The following POP5 variants were observed in gnomAD, a reference collection of about 807,000 sequenced individuals.
POP5 encodes ribonuclease P/MRP protein subunit POP5.
A neutral mutation model predicts 20.7 loss-of-function variants in POP5; 18 were observed. The ratio of observed to expected loss-of-function variants is 0.87; its 90% confidence interval spans 0.60 to 1.29. POP5 has a LOEUF of 1.29. POP5 is among the 50% of genes most tolerant of loss of function. POP5 has a pLI of 0.00. For missense variants in POP5, 200 were observed against 203.2 expected (o/e 0.98, Z 0.10); for synonymous variants, 91 against 78.0 (o/e 1.17, Z -0.88).
chr12:120,579,133 A>AG lies in POP5; in HGVS notation c.*184dup. The AG allele has an allele frequency of 1.6e-6, 1 of 615,474 alleles. No homozygotes were observed. Among genetic ancestry groups the AG allele is most frequent in the Middle Eastern group, 4.4e-4 (1 of 2,288 alleles). 38.1% of individuals were successfully genotyped at this position (615,474 alleles called of 1,614,324 possible). A position where few individuals can be genotyped will look rare whatever the true frequency, so the allele number is the denominator to read the frequency against. On this transcript the variant is annotated 3_prime_UTR_variant, in exon 5 of 5. Transcript: ENST00000357500. ...AGTTCACAACCTGCAACACTTCACC[A>AG]GGGAATGCTAGGTAAAGGCAACTTC...
In POP5 at chr12:120,579,328, G is replaced by A. The variant is rs1877721664; in HGVS notation, c.482C>T (p.Ala161Val). Residue 161 changes from alanine to valine, a missense_variant, in exon 5 of 5, where the codon GCA becomes GTA. By Grantham distance (64) the Ala-to-Val change is moderately conservative. Coordinates refer to ENST00000357500, the MANE Select transcript of POP5 (RefSeq NM_015918.4). ...GTGGGGAGCAGAGGTTCACTCCATT[G>A]CTTCTGCAGCCTCCTCACCTGACTC... is the stretch of plus-strand genomic sequence containing the variant. ...EEESGEEAAE[A>V]ME 2 of 1,613,926 alleles carry A rather than the reference G, an allele frequency of 1.2e-6. No individual in the cohort carries two copies. Among genetic ancestry groups the A allele is most frequent in the Non-Finnish European group, 1.7e-6 (2 of 1,179,798 alleles).
rs914597398 is a variant in POP5 at position 120,579,226 on chromosome 12, C to T, written c.*92G>A. ...GTTGGCAGCTATCCAGTTTGGAAAA[C>T]TGTGGAAGATGCTGTTGCTACCCAG... is the stretch of plus-strand genomic sequence containing the variant. On this transcript the variant is annotated 3_prime_UTR_variant, in exon 5 of 5. Coordinates refer to ENST00000357500, the MANE Select transcript of POP5 (RefSeq NM_015918.4). 2 of 1,153,852 alleles carry T rather than the reference C, an allele frequency of 1.7e-6. No homozygotes were observed. Among genetic ancestry groups the T allele is most frequent in the Non-Finnish European group, 2.6e-6 (2 of 766,156 alleles). 71.5% of individuals were successfully genotyped at this position (1,153,852 alleles called of 1,614,324 possible). A position where few individuals can be genotyped will look rare whatever the true frequency, so the allele number is the denominator to read the frequency against.
In POP5 at chr12:120,578,773, G is replaced by T. The variant is rs1408552505; in HGVS notation, c.*545C>A. On this transcript the variant is annotated 3_prime_UTR_variant, in exon 5 of 5. Coordinates refer to ENST00000357500, the MANE Select transcript of POP5 (RefSeq NM_015918.4). ...GTCTCTACTAAAAATACAAAAATTA[G>T]CCAGACGTGGTGGTGCACGTCTGTA... 6.5e-6 allele frequency: 1 copy of T among 154,656 alleles called. No individual in the cohort carries two copies. The highest frequency in any genetic ancestry group is 1.4e-5 in the Non-Finnish European group (1 of 69,676). 9.6% of individuals were successfully genotyped at this position (154,656 alleles called of 1,614,324 possible). A position where few individuals can be genotyped will look rare whatever the true frequency, so the allele number is the denominator to read the frequency against.
intron 3 of POP5, 74 bp downstream of exon 3, chr12:120,579,700 C>T: frequency 6.4e-7 from 1 of 1,551,000 alleles, no homozygotes; most frequent in Non-Finnish European, 8.9e-7. Context: ...GCAGCAAGAC[C>T]CACCCACCAG....
chr12:120,581,303 C>T, intron 1 of POP5, 40 bp downstream of exon 1: 1 of 1,614,186 alleles, frequency 6.2e-7, no homozygotes, highest in South Asian at 1.1e-5. Flanking sequence ...GCCGCGAGGA[C>T]CCAGCAAGGC....
Position 120,579,930 on chromosome 12 carries a change from C to G in POP5, c.164-7G>C. ...TAGGCATTGAGATATCGAACTACAA[C>G]AGGAAAGAAAAATCATTTTGGAAAA... On this transcript the variant is annotated splice_region_variant and splice_polypyrimidine_tract_variant and intron_variant, in intron 2 of 4. Transcript: ENST00000357500. 2 of 1,612,212 alleles carry G rather than the reference C, an allele frequency of 1.2e-6. No individual in the cohort carries two copies. Among genetic ancestry groups the G allele is most frequent in the Non-Finnish European group, 1.7e-6 (2 of 1,179,208 alleles).
rs377057804 is a variant in POP5 at position 120,581,394 on chromosome 12, A to G, written c.-32T>C. The G allele has an allele frequency of 3.1e-6, 5 of 1,603,648 alleles. No homozygotes were observed. The highest frequency in any genetic ancestry group is 1.1e-5 in the South Asian group (1 of 89,762). ...CTCCGCGCTCTCCGGTCCGGCGTGC[A>G]AACCGGATGTGAATTCTGTCCGCTG... is the stretch of plus-strand genomic sequence containing the variant. On this transcript the variant is annotated 5_prime_UTR_variant, in exon 1 of 5. Transcript: ENST00000357500.
In POP5 at chr12:120,579,234, G is replaced by A. The variant is rs946056746; in HGVS notation, c.*84C>T. Reference sequence around the variant, plus strand: ...CTATCCAGTTTGGAAAACTGTGGAAGATGCTGTTGCTACCCAGATTGTTCT... The same window carrying A: ...CTATCCAGTTTGGAAAACTGTGGAAAATGCTGTTGCTACCCAGATTGTTCT... On this transcript the variant is annotated 3_prime_UTR_variant, in exon 5 of 5. Coordinates refer to ENST00000357500, the MANE Select transcript of POP5 (RefSeq NM_015918.4). 7 of 1,215,696 alleles carry A rather than the reference G, an allele frequency of 5.8e-6. No individual in the cohort carries two copies. In the African/African-American group the frequency reaches 1.0e-4, roughly 18 times the overall value. 75.3% of individuals were successfully genotyped at this position (1,215,696 alleles called of 1,614,324 possible). A position where few individuals can be genotyped will look rare whatever the true frequency, so the allele number is the denominator to read the frequency against.
chr12:120,579,237 G>A lies in POP5; in HGVS notation c.*81C>T, dbSNP rs1877708122. 3 of 1,240,720 alleles carry A rather than the reference G, an allele frequency of 2.4e-6. No individual in the cohort carries two copies. Among genetic ancestry groups the A allele is most frequent in the South Asian group, 1.2e-5 (1 of 82,832 alleles). 76.9% of individuals were successfully genotyped at this position (1,240,720 alleles called of 1,614,324 possible). On this transcript the variant is annotated 3_prime_UTR_variant, in exon 5 of 5. Transcript: ENST00000357500. The stretch of plus-strand genomic sequence containing the variant: ...TCCAGTTTGGAAAACTGTGGAAGAT[G>A]CTGTTGCTACCCAGATTGTTCTGTT...
rs1054371670 is a variant in POP5, at chr12:120,579,216, G to A, written c.*102C>T. On this transcript the variant is annotated 3_prime_UTR_variant, in exon 5 of 5. Coordinates refer to ENST00000357500, the MANE Select transcript of POP5 (RefSeq NM_015918.4). ...ATGTCTGCTGGTTGGCAGCTATCCA[G>A]TTTGGAAAACTGTGGAAGATGCTGT... 1.2e-5 allele frequency: 13 copies of A among 1,069,076 alleles called. No homozygotes were observed. The African/African-American group carries it at 2.0e-4, about 17-fold the overall frequency. The allele number at this position is 1,069,076 out of a possible 1,614,324, so 66.2% of individuals were successfully genotyped here.
intron 3 of POP5, 64 bp from the exon 4 acceptor site, chr12:120,579,661 G>A: frequency 6.5e-7 from 1 of 1,546,048 alleles, no homozygotes. Context: ...ACTTTCAGAG[G>A]TAGGGGGAAG....
At chr12:120,580,557 C>T (rs574695682) in intron 2 of POP5, 3 of 155,450 alleles carry the variant, frequency 1.9e-5, no homozygotes, top group Admixed American at 6.3e-5. Context: ...TCAGTCTCAC[C>T]TGACTTAGGA....
Position 120,581,398 on chromosome 12 carries a change from C to A in POP5, c.-36G>T, listed in dbSNP as rs749030608. Reference sequence around the variant, plus strand: ...GCGCTCTCCGGTCCGGCGTGCAAACCGGATGTGAATTCTGTCCGCTGCCAA... The same window carrying A: ...GCGCTCTCCGGTCCGGCGTGCAAACAGGATGTGAATTCTGTCCGCTGCCAA... On this transcript the variant is annotated 5_prime_UTR_variant, in exon 1 of 5. Transcript: ENST00000357500. 7 of 1,601,864 alleles carry A rather than the reference C, an allele frequency of 4.4e-6. No individual in the cohort carries two copies. The highest frequency in any genetic ancestry group is 2.2e-5 in the South Asian group (2 of 89,546).
At chr12:120,580,094 T>C in intron 2 of POP5, 171 bp from the exon 3 acceptor site, 3 of 571,864 alleles carry the variant, frequency 5.2e-6, no homozygotes, top group South Asian at 2.0e-5. Flanking sequence ...ATACAAAAAT[T>C]AGCTGGGTGT....
In POP5 at chr12:120,579,071, A is replaced by G. The variant is rs1472044775; in HGVS notation, c.*247T>C. ...GCCACGGAAACCAGATACATTTATT[A>G]AATCTACTCTTAGCCAAGCAATAAA... On this transcript the variant is annotated 3_prime_UTR_variant, in exon 5 of 5. Coordinates refer to ENST00000357500, the MANE Select transcript of POP5 (RefSeq NM_015918.4). 9.1e-6 allele frequency: 5 copies of G among 549,962 alleles called. No individual in the cohort carries two copies. The East Asian group carries it at 1.5e-4, about 17-fold the overall frequency. 34.1% of individuals were successfully genotyped at this position (549,962 alleles called of 1,614,324 possible). A position where few individuals can be genotyped will look rare whatever the true frequency, so the allele number is the denominator to read the frequency against.
Position 120,579,116 on chromosome 12 carries a change from A to G in POP5, c.*202T>C, listed in dbSNP as rs1213783253. The G allele has an allele frequency of 5.0e-6, 3 of 605,128 alleles. No homozygotes were observed. The highest frequency in any genetic ancestry group is 2.9e-5 in the Admixed American group (1 of 34,602). The allele number at this position is 605,128 out of a possible 1,614,324, so 37.5% of individuals were successfully genotyped here. A position where few individuals can be genotyped will look rare whatever the true frequency, so the allele number is the denominator to read the frequency against. ...AATAAAGATGTCTACAGAGTTCACAACCTGCAACACTTCACCAGGGAATGC... is the reference window on the plus strand; with the variant it reads ...AATAAAGATGTCTACAGAGTTCACAGCCTGCAACACTTCACCAGGGAATGC... On this transcript the variant is annotated 3_prime_UTR_variant, in exon 5 of 5. Coordinates refer to ENST00000357500, the MANE Select transcript of POP5 (RefSeq NM_015918.4).
intron 2 of POP5, 166 bp downstream of exon 2, chr12:120,580,946 TCTG>T (rs1390442390): frequency 5.6e-6 from 6 of 1,079,444 alleles, no homozygotes; most frequent in Non-Finnish European, 7.9e-6. Flanking sequence ...CTTTTAGCGC[TCTG>T]CTAATTTCGG....
chr12:120,580,445 G>A (rs949032795), intron 2 of POP5, among the ~76,000 whole-genome samples: 1 of 152,116 alleles, frequency 6.6e-6, no homozygotes, highest in Non-Finnish European at 1.5e-5. Flanking sequence ...GCAGGTAGGA[G>A]GCGATCCGTT....
chr12:120,580,182 C>T (rs1257197956), intron 2 of POP5: 2 of 377,930 alleles, frequency 5.3e-6, no homozygotes, highest in Non-Finnish European at 9.7e-6. Flanking sequence ...GCAGAGGCAG[C>T]AATGACCCCC....
Sources: gnomAD v4.1 joint callset for allele counts (sites outside exome capture counted in the v4.1 genomes callset) on GRCh38, gnomAD v4.1.1 for gene constraint, MANE v1.5 for transcripts, NCBI Gene and HGNC (gene_info 2026-07-23, HGNC 2026-07-21) for gene names.